Variants in INO80 observed in about 807,000 individuals in gnomAD.
The protein encoded by INO80 is chromatin-remodeling ATPase INO80.
A neutral mutation model predicts 203.4 loss-of-function variants in INO80; 20 were observed. The observed-to-expected ratio is 0.10, with a 90% CI of 0.07 to 0.14. The LOEUF (loss-of-function observed/expected upper bound fraction) is 0.14. Among genes scored for constraint, INO80 ranks in the 10% least tolerant of loss-of-function variants. The pLI is 1.00. For synonymous variants in INO80, 726 were observed against 685.2 expected (o/e 1.06, Z -0.93); for missense variants, 1,419 against 1,914.4 (o/e 0.74, Z 4.83).
At chr15:41,094,511 T>C (rs570061835) in intron 4 of INO80, among the ~76,000 whole-genome samples, 23 of 152,274 alleles carry the variant, frequency 1.5e-4, no homozygotes, top group African/African-American at 4.6e-4. Flanking sequence ...CTGCCTCCTT[T>C]AGAATGTAAG....
intron 5 of INO80, among the ~76,000 whole-genome samples, chr15:41,089,917 G>C (rs148386334): frequency 1.3e-5 from 2 of 152,108 alleles, no homozygotes; most frequent in Non-Finnish European, 2.9e-5. Flanking sequence ...TAAGCATTCT[G>C]GCAATTCCTC....
At chr15:40,986,485 C>T (rs781721367) in intron 31 of INO80, among the ~76,000 whole-genome samples, 2 of 151,750 alleles carry the variant, frequency 1.3e-5, no homozygotes, top group Non-Finnish European at 2.9e-5. Flanking sequence ...CCACCACGCC[C>T]GACTAATATT....
intron 21 of INO80, 150 bp downstream of exon 21, chr15:41,049,137 C>T (rs1009788390): frequency 3.2e-5 from 20 of 619,732 alleles, no homozygotes; most frequent in African/African-American, 2.6e-4. Context: ...CAAATTCCTT[C>T]CATAAGATCC....
chr15:41,114,755 C>G (rs998169774), intron 1 of INO80, among the ~76,000 whole-genome samples: 4 of 150,936 alleles, frequency 2.7e-5, no homozygotes, highest in African/African-American at 9.7e-5. Context: ...TGCTACAACA[C>G]GGATGAACCT....
intron 27 of INO80, among the ~76,000 whole-genome samples, chr15:41,010,607 A>G (rs1035616320): frequency 6.6e-6 from 1 of 152,160 alleles, no homozygotes; most frequent in Non-Finnish European, 1.5e-5. Flanking sequence ...GATGATCAGT[A>G]CTACTAAGAT....
At chr15:40,984,447 T>C in intron 32 of INO80, 95 bp from the exon 33 acceptor site, 1 of 1,187,376 alleles carries the variant, frequency 8.4e-7, no homozygotes. Flanking sequence ...ACTTTTATTC[T>C]TTAGTTTATA....
chr15:41,049,976 T>C lies in INO80; in HGVS notation c.2401A>G (p.Thr801Ala). Residue 801 changes from threonine (T) to alanine (A), a missense_variant, in exon 20 of 36, where the codon ACC (threonine) becomes GCC (alanine). This residue lies in a region of INO80 where 192 missense variants were observed against 406.7 expected (regional missense o/e 0.47). Coordinates refer to ENST00000648947, the MANE Select transcript of INO80 (RefSeq NM_017553.3). ...ACCAGATTCATGAGGCTGCTGGTGGTGTTCTGTGCTTGTTGGGTAGAGCCC... is the reference window on the plus strand; with the variant it reads ...ACCAGATTCATGAGGCTGCTGGTGGCGTTCTGTGCTTGTTGGGTAGAGCCC... ...SMGSTQQAQN[T>A]TSSLMNLVMQ... 6.2e-7 allele frequency: 1 copy of C among 1,614,002 alleles called. No individual in the cohort carries two copies. The highest frequency in any genetic ancestry group is 8.5e-7 in the Non-Finnish European group (1 of 1,179,880).
At chr15:41,082,250 CAAAAAAAAAAA>C (rs60486605) in intron 7 of INO80, among the ~76,000 whole-genome samples, 4 of 54,680 alleles carry the variant, frequency 7.3e-5, no homozygotes, top group Admixed American at 2.1e-4. Context: ...AACTCCGTCT[CAAAAAAAAAAA>C]AAAAAAAAAA....
intron 24 of INO80, among the ~76,000 whole-genome samples, chr15:41,031,522 G>T: frequency 1.1e-5 from 1 of 89,480 alleles, no homozygotes; most frequent in African/African-American, 4.3e-5. Context: ...AAGGGGAAGG[G>T]AGGAAGGAGA....
At chr15:41,012,953 T>G (rs529144481) in intron 27 of INO80, 1 of 152,244 alleles carries the variant, frequency 6.6e-6, no homozygotes, top group Non-Finnish European at 1.5e-5. Context: ...CAAATAGTAA[T>G]GTCCAAAACT....
At chr15:41,086,391 C>T (rs930673393) in intron 6 of INO80, among the ~76,000 whole-genome samples, 5 of 152,120 alleles carry the variant, frequency 3.3e-5, no homozygotes, top group African/African-American at 4.8e-5. Flanking sequence ...TGGCTCACGC[C>T]GGTAATCCCA....
At chr15:41,098,585 G>A (rs1295847068) in intron 1 of INO80, among the ~76,000 whole-genome samples, 1 of 152,054 alleles carries the variant, frequency 6.6e-6, no homozygotes, top group Non-Finnish European at 1.5e-5. Context: ...GAAGTGGGAG[G>A]ATCACTTACA....
At position 40,979,823 on chromosome 15, in the gene INO80, C is replaced by A; in HGVS notation, c.*400G>T. ...ATCACACTCTTAAGAGAAATCTCTA[C>A]CATGGAAGGCTCTTCACAGCACCTG... On this transcript the variant is annotated 3_prime_UTR_variant, in exon 36 of 36. Coordinates refer to ENST00000648947, the MANE Select transcript of INO80 (RefSeq NM_017553.3). The A allele has an allele frequency of 4.4e-6, 1 of 227,644 alleles. No individual in the cohort carries two copies. The highest frequency in any genetic ancestry group is 8.8e-6 in the Non-Finnish European group (1 of 113,186). 14.1% of individuals were successfully genotyped at this position (227,644 alleles called of 1,614,324 possible).
intron 28 of INO80, among the ~76,000 whole-genome samples, chr15:40,998,983 T>TACAC (rs10650860): frequency 0.032 from 4,457 of 140,412 alleles, 76 homozygotes; most frequent in African/African-American, 0.041. Flanking sequence ...AAGATTTATC[T>TACAC]ACACACACAC....
At chr15:41,084,894 G>A (rs938608463) in intron 7 of INO80, among the ~76,000 whole-genome samples, 3 of 152,170 alleles carry the variant, frequency 2.0e-5, no homozygotes, top group African/African-American at 7.2e-5. Context: ...GTGCCGCTAC[G>A]CCCAGTTCAT....
intron 14 of INO80, among the ~76,000 whole-genome samples, chr15:41,068,463 A>C (rs1197756655): frequency 6.6e-6 from 1 of 152,166 alleles, no homozygotes; most frequent in Non-Finnish European, 1.5e-5. Context: ...CGGGAGGCTG[A>C]GGCAGAAGAA....
Position 41,069,629 on chromosome 15 carries a change from G to A in INO80, c.1723C>T (p.Pro575Ser). 1 of 1,611,106 alleles carries A rather than the reference G, an allele frequency of 6.2e-7. No homozygotes were observed. Among genetic ancestry groups the A allele is most frequent in the Non-Finnish European group, 8.5e-7 (1 of 1,178,496 alleles). Reference sequence around the variant, plus strand: ...TGCCAATTGTTAAGTGTAGACGCAGGTGAAATTATTAAGAAAGGTCCCCAA... The same window carrying A: ...TGCCAATTGTTAAGTGTAGACGCAGATGAAATTATTAAGAAAGGTCCCCAA... ...NIWGPFLIIS[P>S]ASTLNNWHQE... The change falls in exon 14 of 36, where the codon CCT (proline) becomes TCT (serine). Residue 575 changes from proline (P) to serine (S), a missense_variant. Pro to Ser is a moderately conservative substitution (Grantham distance 74). This residue lies in a region of INO80 where 192 missense variants were observed against 406.7 expected (regional missense o/e 0.47). Transcript: ENST00000648947.
At chr15:40,999,101 C>T (rs2043923201) in intron 28 of INO80, among the ~76,000 whole-genome samples, 1 of 151,556 alleles carries the variant, frequency 6.6e-6, no homozygotes, top group Non-Finnish European at 1.5e-5. Flanking sequence ...TATTCTAATG[C>T]ATTACAGGTC....
chr15:41,104,706 T>C (rs1440939073), intron 1 of INO80, among the ~76,000 whole-genome samples: 2 of 151,870 alleles, frequency 1.3e-5, no homozygotes, highest in East Asian at 1.9e-4. Context: ...CCTGGCTAAT[T>C]TTTTTTGTAT....
Sources: allele counts gnomAD v4.1 joint callset (sites outside exome capture counted in the v4.1 genomes callset), GRCh38; gene constraint gnomAD v4.1.1; regional missense constraint gnomAD v4.1.1; transcripts MANE v1.5; gene names NCBI Gene and HGNC (gene_info 2026-07-23, HGNC 2026-07-21).